SORCS3: variants seen among roughly 807,000 people sequenced by gnomAD.
The protein encoded by SORCS3 is sortilin related VPS10 domain containing receptor 3.
SORCS3 carries 57 observed loss-of-function variants against 146.3 expected under a neutral mutation model. That is an observed-to-expected ratio of 0.39 (90% CI 0.31 to 0.49). The LOEUF (loss-of-function observed/expected upper bound fraction) is 0.49. Among genes scored for constraint, SORCS3 ranks in the 20% least tolerant of loss-of-function variants. The pLI is 0.92. For synonymous variants in SORCS3, 653 were observed against 618.5 expected (o/e 1.06, Z -0.83); for missense variants, 1,341 against 1,575.5 (o/e 0.85, Z 2.52).
At chr10:105,014,851 A>G (rs2055156203) in intron 4 of SORCS3, among the ~76,000 whole-genome samples, 1 of 152,186 alleles carries the variant, frequency 6.6e-6, no homozygotes, top group Non-Finnish European at 1.5e-5. Context: ...AGAAGGTGCC[A>G]TCTATGAACC....
chr10:104,865,898 C>T (rs61688442), intron 2 of SORCS3, among the ~76,000 whole-genome samples: 1,562 of 152,276 alleles, frequency 0.01, 25 homozygotes, highest in African/African-American at 0.036. Context: ...AGGCTGTTTG[C>T]AGTACTCTGT....
intron 1 of SORCS3, among the ~76,000 whole-genome samples, chr10:104,656,419 G>A (rs1019150727): frequency 5.3e-5 from 8 of 152,140 alleles, no homozygotes; most frequent in Non-Finnish European, 1.0e-4. Flanking sequence ...CACTTTGGGA[G>A]GCTGAGGAAG....
intron 1 of SORCS3, among the ~76,000 whole-genome samples, chr10:104,709,407 G>A (rs1308156868): frequency 4.6e-5 from 7 of 152,050 alleles, no homozygotes; most frequent in Admixed American, 3.3e-4. Context: ...ATTCTCCCCT[G>A]TTTTTTTGAT....
At chr10:104,915,434 C>T (rs1214957492) in intron 2 of SORCS3, among the ~76,000 whole-genome samples, 16 of 151,324 alleles carry the variant, frequency 1.1e-4, no homozygotes, top group African/African-American at 3.9e-4. Flanking sequence ...TGGCCATGCT[C>T]CCATGGCCTC....
intron 1 of SORCS3, among the ~76,000 whole-genome samples, chr10:104,692,518 G>C (rs2016126230): frequency 6.6e-6 from 1 of 152,186 alleles, no homozygotes; most frequent in South Asian, 2.1e-4. Context: ...TCTCCATGGT[G>C]CCTGCACTGG....
chr10:104,700,076 T>C (rs2016261992), intron 1 of SORCS3, among the ~76,000 whole-genome samples: 1 of 152,052 alleles, frequency 6.6e-6, no homozygotes. Flanking sequence ...GAGTCACAAG[T>C]GGTTGCTTGG....
chr10:105,198,902 ACT>A (rs2056558698), intron 14 of SORCS3, among the ~76,000 whole-genome samples: 1 of 152,114 alleles, frequency 6.6e-6, no homozygotes, highest in Admixed American at 6.5e-5. Context: ...CACAAAAGCA[ACT>A]CTATATTCTT....
chr10:104,914,442 G>A (rs2019004144), intron 2 of SORCS3, among the ~76,000 whole-genome samples: 4 of 152,092 alleles, frequency 2.6e-5, no homozygotes, highest in Admixed American at 2.6e-4. Context: ...GTTTACACTG[G>A]GCCCAGGGAC....
intron 11 of SORCS3, among the ~76,000 whole-genome samples, chr10:105,160,071 C>T (rs2056249357): frequency 1.3e-5 from 2 of 152,172 alleles, no homozygotes; most frequent in South Asian, 4.1e-4. Flanking sequence ...ACTCTGCAAT[C>T]CATGTGGATT....
intron 1 of SORCS3, among the ~76,000 whole-genome samples, chr10:104,734,569 C>T (rs1432871869): frequency 6.6e-6 from 1 of 152,180 alleles, no homozygotes; most frequent in Non-Finnish European, 1.5e-5. Context: ...ACTTTGCATG[C>T]TATTGTTACT....
Position 104,977,482 on chromosome 10 carries a change from T to G in SORCS3, c.943T>G (p.Leu315Val). Residue 315 changes from leucine (L) to valine (V), a missense_variant, in exon 4 of 27, where the codon TTG (leucine) becomes GTG (valine). Transcript: ENST00000369701. ...KQEDWVLAYS[L>V]DQKLYSSMDF... The stretch of plus-strand genomic sequence containing the variant: ...AGAGGACTGGGTGCTGGCCTACAGT[T>G]TGGATCAAAAGGTGAATAAATACTA... 1 of 1,607,138 alleles carries G rather than the reference T, an allele frequency of 6.2e-7. No homozygotes were observed. Among genetic ancestry groups the G allele is most frequent in the Non-Finnish European group, 8.5e-7 (1 of 1,177,824 alleles).
chr10:104,878,294 G>A (rs1333854265), intron 2 of SORCS3, among the ~76,000 whole-genome samples: 1 of 152,050 alleles, frequency 6.6e-6, no homozygotes, highest in East Asian at 1.9e-4. Context: ...ACAAGCAATG[G>A]GATAAATTAA....
intron 9 of SORCS3, among the ~76,000 whole-genome samples, chr10:105,151,375 C>CT (rs2056166242): frequency 1.3e-5 from 2 of 152,212 alleles, no homozygotes; most frequent in East Asian, 1.9e-4. Context: ...ATTTCTTTAT[C>CT]TTTTTTCCCC....
chr10:104,641,825 G>A lies in SORCS3; in HGVS notation c.498G>A (p.Glu166=). ...GTCCCCTTGCTAAGGGTTCCCGGGA[G>A]GAGGTGAAGGCGCCGCGGGCTGGGG... ...GSRPLAKGSR[E]EVKAPRAGGS... is the part of the protein sequence containing the mutation. The change falls in exon 1 of 27, where the codon GAG becomes GAA. Residue 166 remains glutamate, a synonymous_variant. Coordinates refer to ENST00000369701, the MANE Select transcript of SORCS3 (RefSeq NM_014978.3). This position sits in a 1 kb window ranked among gnomAD's most constrained non-coding sequence, Gnocchi z 6.4. 6.4e-7 allele frequency: 1 copy of A among 1,559,174 alleles called. No individual in the cohort carries two copies. The highest frequency in any genetic ancestry group is 2.4e-5 in the East Asian group (1 of 41,654).
At chr10:104,780,231 G>A (rs1192180714) in intron 1 of SORCS3, among the ~76,000 whole-genome samples, 2 of 151,832 alleles carry the variant, frequency 1.3e-5, no homozygotes, top group African/African-American at 2.4e-5. Context: ...GAACTAGCAC[G>A]CCACACGTTC....
At chr10:105,026,083 T>C (rs1306741035) in intron 4 of SORCS3, among the ~76,000 whole-genome samples, 1 of 152,122 alleles carries the variant, frequency 6.6e-6, no homozygotes, top group African/African-American at 2.4e-5. Flanking sequence ...CGATCAGTTC[T>C]CCTATCCTCC....
At chr10:104,911,512 G>A (rs1047578015) in intron 2 of SORCS3, among the ~76,000 whole-genome samples, 4 of 152,230 alleles carry the variant, frequency 2.6e-5, no homozygotes, top group Admixed American at 6.5e-5. Flanking sequence ...ATTCGGGAAG[G>A]AAGTTTGTTG....
At chr10:105,239,592 T>C (rs992087109) in intron 20 of SORCS3, among the ~76,000 whole-genome samples, 4 of 152,128 alleles carry the variant, frequency 2.6e-5, no homozygotes, top group African/African-American at 4.8e-5. Context: ...GGGATGTAGC[T>C]CACAGCCTAG....
chr10:105,147,855 G>A (rs865903654), intron 9 of SORCS3, 59 bp downstream of exon 9: 1 of 1,447,152 alleles, frequency 6.9e-7, no homozygotes, highest in Non-Finnish European at 9.5e-7. Flanking sequence ...GAGTTTTAAT[G>A]GTATAAACAC....
Sources: gnomAD v4.1 joint callset for allele counts (sites outside exome capture counted in the v4.1 genomes callset) on GRCh38, gnomAD v4.1.1 for gene constraint, Gnocchi (gnomAD v3.1) non-coding constraint, MANE v1.5 for transcripts, NCBI Gene and HGNC (gene_info 2026-07-23, HGNC 2026-07-21) for gene names.